RBPJ: variants seen among roughly 807,000 people sequenced by gnomAD.
RBPJ encodes the protein recombination signal binding protein for immunoglobulin kappa J region.
A neutral mutation model predicts 67.8 loss-of-function variants in RBPJ; 9 were observed. The ratio of observed to expected loss-of-function variants is 0.13; its 90% confidence interval spans 0.08 to 0.23. RBPJ has a LOEUF of 0.23. Among genes scored for constraint, RBPJ ranks in the 10% least tolerant of loss-of-function variants. RBPJ has a pLI of 1.00. For missense variants in RBPJ, 305 were observed against 595.6 expected (o/e 0.51, Z 5.08); for synonymous variants, 198 against 203.3 (o/e 0.97, Z 0.22).
the RBPJ span, among the ~76,000 whole-genome samples, chr4:26,157,108 CAAACAAACA>C: frequency 5.1e-5 from 6 of 117,818 alleles, no homozygotes; most frequent in Non-Finnish European, 8.7e-5. Flanking sequence ...CAAAAACAAA[CAAACAAACA>C]AAAAAACCCC....
chr4:26,133,970 G>C, the RBPJ span, among the ~76,000 whole-genome samples: 1 of 152,054 alleles, frequency 6.6e-6, no homozygotes. Context: ...AACAGGGACT[G>C]TCAGAGGGAG....
chr4:26,335,889 C>T (rs1429746483), intron 1 of RBPJ, among the ~76,000 whole-genome samples: 1 of 152,018 alleles, frequency 6.6e-6, no homozygotes, highest in Non-Finnish European at 1.5e-5. Flanking sequence ...TCCCAAAGTG[C>T]TGGGATTACA....
At chr4:26,345,125 G>A (rs569695862) in intron 1 of RBPJ, among the ~76,000 whole-genome samples, 51 of 152,246 alleles carry the variant, frequency 3.3e-4, no homozygotes, top group Admixed American at 9.2e-4. Context: ...GTGAATCGTA[G>A]TTATTATTCA....
At chr4:26,316,246 CATAT>C (rs201168345), upstream of RBPJ, among the ~76,000 whole-genome samples, 4 of 144,488 alleles carry the variant, frequency 2.8e-5, no homozygotes, top group African/African-American at 1.0e-4. Flanking sequence ...CTTCCCGCAA[CATAT>C]ATATATATAT....
intron 1 of RBPJ, among the ~76,000 whole-genome samples, chr4:26,200,610 G>A (rs1046225063): frequency 6.6e-6 from 1 of 151,802 alleles, no homozygotes; most frequent in South Asian, 2.1e-4. Context: ...GGTTATGGCT[G>A]CAGTCAGCCG....
At chr4:26,381,215 T>TTAA (rs947605841) in intron 1 of RBPJ, among the ~76,000 whole-genome samples, 2 of 152,054 alleles carry the variant, frequency 1.3e-5, no homozygotes, top group Non-Finnish European at 2.9e-5. Flanking sequence ...AATACATTTA[T>TTAA]GGTCATATTC....
At chr4:26,336,756 A>G (rs1724876828) in intron 1 of RBPJ, among the ~76,000 whole-genome samples, 1 of 152,122 alleles carries the variant, frequency 6.6e-6, no homozygotes. Context: ...AACACTGTAT[A>G]TGTAGTTTTT....
chr4:26,415,340 C>T, intron 3 of RBPJ, 135 bp from the exon 4 acceptor site: 4 of 739,854 alleles, frequency 5.4e-6, no homozygotes, highest in Non-Finnish European at 8.6e-6. Context: ...CAAAAGGCTT[C>T]ACCAAAATTT....
chr4:26,182,211 G>A (rs1194472531), intron 1 of RBPJ, among the ~76,000 whole-genome samples: 5 of 151,962 alleles, frequency 3.3e-5, no homozygotes, highest in African/African-American at 9.6e-5. Context: ...GCGCCGTGGC[G>A]GGCGCCTGTA....
At chr4:26,421,893 T>G (rs963504909) in intron 5 of RBPJ, among the ~76,000 whole-genome samples, 1 of 152,150 alleles carries the variant, frequency 6.6e-6, no homozygotes, top group African/African-American at 2.4e-5. Flanking sequence ...GAATGTCTTT[T>G]TATAGTTTTT....
rs1306101633 is a variant in RBPJ, at chr4:26,431,766, A to G, written c.*759A>G. On this transcript the variant is annotated 3_prime_UTR_variant, in exon 11 of 11. Transcript: ENST00000355476. ...AATGCCTCTGCCTTGCCTGCAATAC[A>G]TGCAATGTATGTTAACTTAGTCTCT... 1 of 152,130 alleles carries G rather than the reference A, an allele frequency of 6.6e-6. No homozygotes were observed. Among genetic ancestry groups the G allele is most frequent in the Non-Finnish European group, 1.5e-5 (1 of 68,044 alleles). 9.4% of individuals were successfully genotyped at this position (152,130 alleles called of 1,614,324 possible). A position where few individuals can be genotyped will look rare whatever the true frequency, so the allele number is the denominator to read the frequency against.
the RBPJ span, among the ~76,000 whole-genome samples, chr4:26,117,212 G>A: frequency 2.0e-5 from 3 of 152,004 alleles, no homozygotes; most frequent in African/African-American, 7.3e-5. Context: ...CCTGTCCTTG[G>A]TACTCCTGCC....
intron 1 of RBPJ, among the ~76,000 whole-genome samples, chr4:26,238,013 C>T (rs919971513): frequency 2.0e-5 from 3 of 152,048 alleles, no homozygotes; most frequent in Admixed American, 6.6e-5. Flanking sequence ...CCATCATGTC[C>T]GGCCATTAAA....
At chr4:26,165,754 T>C (rs1371105409) in intron 1 of RBPJ, among the ~76,000 whole-genome samples, 2 of 151,938 alleles carry the variant, frequency 1.3e-5, no homozygotes, top group Non-Finnish European at 2.9e-5. Context: ...TTAGGGTACA[T>C]GTGCACAATG....
the RBPJ span, among the ~76,000 whole-genome samples, chr4:26,125,491 G>T: frequency 6.6e-6 from 1 of 152,150 alleles, no homozygotes; most frequent in Non-Finnish European, 1.5e-5. Context: ...AAGATATCTG[G>T]AACAGGGAGA....
rs369714193 is a variant in RBPJ at position 26,430,953 on chromosome 4, C to T, written c.1410C>T (p.Asn470=). 2.5e-5 allele frequency: 40 copies of T among 1,613,808 alleles called. No homozygotes were observed. Among genetic ancestry groups the T allele is most frequent in the Admixed American group, 1.7e-4 (10 of 59,974 alleles). ...CAAACAGCGAGGGAAGTTACACAAA[C>T]GCCAGCACAAATTCAACCAGTGTCA... ...SNTNSEGSYT[N]ASTNSTSVTS... The change falls in exon 11 of 11, where the codon AAC becomes AAT. Residue 470 remains asparagine (N), a synonymous_variant. Coordinates refer to ENST00000355476, the MANE Select transcript of RBPJ (RefSeq NM_015874.6). This position sits in a 1 kb window ranked among gnomAD's most constrained non-coding sequence, Gnocchi z 4.1.
rs562747582 is a variant in RBPJ at position 26,303,681 on chromosome 4, T to C, written c.-166-58765T>C. ...CATCTAGGCTGGGCGTGGTGGCTCA[T>C]ACCTGTAATTCCAGCACTTTGGGAG... is the stretch of plus-strand genomic sequence containing the variant. On this transcript the variant is annotated intron_variant, in intron 1 of 4. Coordinates refer to the RBPJ transcript ENST00000512351. Among the ~76,000 whole-genome samples the C allele has an allele frequency of 3.3e-5, 5 of 151,806 alleles. No individual in the cohort carries two copies. The South Asian group carries it at 1.0e-3, about 32-fold the overall frequency.
chr4:26,255,566 G>A (rs1720302565), intron 1 of RBPJ, among the ~76,000 whole-genome samples: 1 of 151,050 alleles, frequency 6.6e-6, no homozygotes, highest in Non-Finnish European at 1.5e-5. Flanking sequence ...ACTTTGGGAG[G>A]CCAAGGCGGG....
At chr4:26,361,670 G>C (rs937954793) in intron 1 of RBPJ, among the ~76,000 whole-genome samples, 1 of 152,116 alleles carries the variant, frequency 6.6e-6, no homozygotes, top group Non-Finnish European at 1.5e-5. Context: ...TTATTGATCA[G>C]TTATCAGTTT....
Sources: gnomAD v4.1 joint callset for allele counts (sites outside exome capture counted in the v4.1 genomes callset) on GRCh38, gnomAD v4.1.1 for gene constraint, Gnocchi (gnomAD v3.1) non-coding constraint, MANE v1.5 for transcripts, NCBI Gene and HGNC (gene_info 2026-07-23, HGNC 2026-07-21) for gene names.